The following MBNL2 variants were observed in gnomAD, a reference collection of about 807,000 sequenced individuals.
MBNL2 encodes muscleblind-like protein 2.
A neutral mutation model predicts 41.9 loss-of-function variants in MBNL2; 17 were observed. The ratio of observed to expected loss-of-function variants is 0.41; its 90% confidence interval spans 0.28 to 0.61. The LOEUF (loss-of-function observed/expected upper bound fraction) is 0.61. Ranked by LOEUF, MBNL2 falls within the 20% of genes least tolerant of loss-of-function variation. MBNL2 has a pLI of 0.35. For synonymous variants in MBNL2, 195 were observed against 182.9 expected (o/e 1.07, Z -0.53); for missense variants, 336 against 505.6 (o/e 0.66, Z 3.22).
At chr13:97,244,384 G>A (rs577430276) in intron 1 of MBNL2, among the ~76,000 whole-genome samples, 3 of 152,280 alleles carry the variant, frequency 2.0e-5, no homozygotes, top group African/African-American at 7.2e-5. Flanking sequence ...CCAGTGTCTC[G>A]TTAACACTGC....
At chr13:97,348,218 C>T (rs574174012) in intron 5 of MBNL2, among the ~76,000 whole-genome samples, 2 of 151,540 alleles carry the variant, frequency 1.3e-5, no homozygotes, top group Non-Finnish European at 2.9e-5. Context: ...GGGAACATGC[C>T]CATCTAAGTT....
At chr13:97,351,596 C>T (rs1481566957) in intron 5 of MBNL2, among the ~76,000 whole-genome samples, 1 of 152,208 alleles carries the variant, frequency 6.6e-6, no homozygotes, top group African/African-American at 2.4e-5. Context: ...GCTCACCATG[C>T]TCTTTTATGT....
chr13:97,200,176 C>T, the MBNL2 span, among the ~76,000 whole-genome samples: 1 of 152,248 alleles, frequency 6.6e-6, no homozygotes. Flanking sequence ...TACCTTTCAG[C>T]ACAGAGCTGC....
At chr13:97,232,686 T>C (rs941734591) in intron 1 of MBNL2, among the ~76,000 whole-genome samples, 3 of 152,178 alleles carry the variant, frequency 2.0e-5, no homozygotes, top group Non-Finnish European at 4.4e-5. Context: ...CACTAAATAG[T>C]TAAATAGACA....
At chr13:97,318,622 A>G (rs1212191784) in intron 2 of MBNL2, among the ~76,000 whole-genome samples, 1 of 152,242 alleles carries the variant, frequency 6.6e-6, no homozygotes, top group Admixed American at 6.5e-5. Context: ...ATAATAATGC[A>G]TCAATTCAGT....
At chr13:97,341,439 A>G (rs142317638) in intron 3 of MBNL2, among the ~76,000 whole-genome samples, 52 of 152,378 alleles carry the variant, frequency 3.4e-4, no homozygotes, top group African/African-American at 1.2e-3. Flanking sequence ...TAAAAGCTAC[A>G]GTTACTGAAA....
intron 5 of MBNL2, among the ~76,000 whole-genome samples, chr13:97,352,054 AAATAAAT>A (rs1457633585): frequency 1.2e-3 from 165 of 135,340 alleles, no homozygotes; most frequent in African/African-American, 4.6e-3. Flanking sequence ...ATAAATAAAT[AAATAAAT>A]AATAAATAAA....
At chr13:97,200,666 A>G in the MBNL2 span, among the ~76,000 whole-genome samples, 1 of 152,214 alleles carries the variant, frequency 6.6e-6, no homozygotes, top group Admixed American at 6.5e-5. Flanking sequence ...TGAATCCCTC[A>G]AACATTATTT....
chr13:97,170,462 C>T, the MBNL2 span, among the ~76,000 whole-genome samples: 34 of 152,252 alleles, frequency 2.2e-4, no homozygotes, highest in African/African-American at 6.7e-4. Flanking sequence ...AGCCACACCA[C>T]GCAGGGATAT....
chr13:97,324,204 A>G (rs531838691), intron 2 of MBNL2, among the ~76,000 whole-genome samples: 1 of 152,270 alleles, frequency 6.6e-6, no homozygotes, highest in East Asian at 1.9e-4. Flanking sequence ...GCTCCCTGCA[A>G]TGCATTCACA....
chr13:97,189,796 CAACTT>C, the MBNL2 span, among the ~76,000 whole-genome samples: 1 of 152,194 alleles, frequency 6.6e-6, no homozygotes, highest in Non-Finnish European at 1.5e-5. Context: ...AATATGATCA[CAACTT>C]AAAGGGACAG....
intron 2 of MBNL2, among the ~76,000 whole-genome samples, chr13:97,288,555 C>T (rs940670711): frequency 2.0e-5 from 3 of 152,190 alleles, no homozygotes; most frequent in Non-Finnish European, 4.4e-5. Flanking sequence ...AAGGTCTAAA[C>T]AAAGGCCAGC....
chr13:97,296,591 C>T (rs1007607388), intron 2 of MBNL2, among the ~76,000 whole-genome samples: 1 of 152,104 alleles, frequency 6.6e-6, no homozygotes, highest in Non-Finnish European at 1.5e-5. Context: ...TTCAGTGAAT[C>T]ATCATTAATA....
At chr13:97,271,115 T>G (rs937820250) in intron 1 of MBNL2, among the ~76,000 whole-genome samples, 5 of 150,528 alleles carry the variant, frequency 3.3e-5, no homozygotes, top group East Asian at 1.9e-4. Flanking sequence ...CTTTTTTGTT[T>G]TTTTTTTTTT....
intron 3 of MBNL2, among the ~76,000 whole-genome samples, chr13:97,341,771 T>A (rs1489192925): frequency 1.3e-5 from 2 of 152,240 alleles, no homozygotes; most frequent in Non-Finnish European, 2.9e-5. Context: ...TCATAAGAGA[T>A]ATTTTTCTGT....
chr13:97,255,286 T>C (rs2047309811), intron 1 of MBNL2, among the ~76,000 whole-genome samples: 1 of 152,368 alleles, frequency 6.6e-6, no homozygotes, highest in African/African-American at 2.4e-5. Flanking sequence ...TTCTACTCTA[T>C]TGTATATCTT....
At chr13:97,374,238 C>T (rs1355347028) in intron 8 of MBNL2, among the ~76,000 whole-genome samples, 2 of 151,910 alleles carry the variant, frequency 1.3e-5, no homozygotes, top group African/African-American at 4.8e-5. Context: ...AGCTCCGCCT[C>T]CCGGGTTCAC....
At chr13:97,319,913 A>G (rs927419482) in intron 2 of MBNL2, among the ~76,000 whole-genome samples, 16 of 152,196 alleles carry the variant, frequency 1.1e-4, no homozygotes, top group Admixed American at 9.8e-4. Context: ...GTAGAAAATC[A>G]TCGTACTTGT....
upstream of MBNL2, among the ~76,000 whole-genome samples, chr13:97,218,453 C>G (rs1438697845): frequency 1.4e-5 from 1 of 73,230 alleles, no homozygotes; most frequent in Non-Finnish European, 3.0e-5. Flanking sequence ...AAAAAAAAAA[C>G]TGGGCCTAGA....
Sources: gnomAD v4.1 joint callset for allele counts (sites outside exome capture counted in the v4.1 genomes callset) on GRCh38, gnomAD v4.1.1 for gene constraint, MANE v1.5 for transcripts, NCBI Gene and HGNC (gene_info 2026-07-23, HGNC 2026-07-21) for gene names.